The following KIAA1755 variants were observed in gnomAD, a reference collection of about 807,000 sequenced individuals.
KIAA1755 encodes the protein uncharacterized protein KIAA1755.
A neutral mutation model predicts 91.7 loss-of-function variants in KIAA1755; 68 were observed. That is an observed-to-expected ratio of 0.74 (90% CI 0.61 to 0.91). The LOEUF (loss-of-function observed/expected upper bound fraction) is 0.91, where lower values mean the gene tolerates loss of function less well. Among genes scored for constraint, KIAA1755 ranks in the 40% least tolerant of loss-of-function variants. The pLI is 0.00. For missense variants in KIAA1755, 1,535 were observed against 1,494.4 expected (o/e 1.03, Z -0.45); for synonymous variants, 610 against 604.6 (o/e 1.01, Z -0.13).
At chr20:38,257,082 T>G (rs2076351719) in intron 1 of KIAA1755, among the ~76,000 whole-genome samples, 1 of 152,058 alleles carries the variant, frequency 6.6e-6, no homozygotes, top group Non-Finnish European at 1.5e-5. Context: ...TCTTTGCTTT[T>G]CAGGACACAT....
At chr20:38,249,235 G>C (rs1268488771) in intron 1 of KIAA1755, among the ~76,000 whole-genome samples, 1 of 152,114 alleles carries the variant, frequency 6.6e-6, no homozygotes, top group Non-Finnish European at 1.5e-5. Context: ...TTCCACCCAG[G>C]TATGGTCTTA....
intron 2 of KIAA1755, among the ~76,000 whole-genome samples, chr20:38,244,345 T>C (rs1600639702): frequency 6.6e-6 from 1 of 152,252 alleles, no homozygotes; most frequent in Admixed American, 6.5e-5. Flanking sequence ...CTATGATCTA[T>C]GAGCCAGGCT....
In KIAA1755 at chr20:38,219,683, C is replaced by A; in HGVS notation, c.2503G>T (p.Gly835Trp). The A allele has an allele frequency of 1.2e-6, 2 of 1,614,164 alleles. No individual in the cohort carries two copies. The highest frequency in any genetic ancestry group is 1.7e-6 in the Non-Finnish European group (2 of 1,180,036). The change falls in exon 11 of 14, where the codon GGG becomes TGG. Residue 835 changes from glycine to tryptophan, a missense_variant. Coordinates refer to ENST00000279024, the MANE Select transcript of KIAA1755 (RefSeq NM_001029864.2). ...VLVTASNSLL[G>W]KLELRVRLGR... Reference sequence around the variant, plus strand: ...AGGCGGACACGGAGCTCCAGCTTCCCCAGGAGGCTGTTGGAAGCGGTGACC... The same window carrying A: ...AGGCGGACACGGAGCTCCAGCTTCCACAGGAGGCTGTTGGAAGCGGTGACC...
At chr20:38,251,584 G>A (rs1352213066) in intron 1 of KIAA1755, among the ~76,000 whole-genome samples, 5 of 93,038 alleles carry the variant, frequency 5.4e-5, no homozygotes, top group Middle Eastern at 6.6e-3. Context: ...TTTTTTTTTT[G>A]AGACAGAGTC....
intron 2 of KIAA1755, among the ~76,000 whole-genome samples, chr20:38,242,348 T>A (rs1238575207): frequency 6.6e-6 from 1 of 152,238 alleles, no homozygotes; most frequent in African/African-American, 2.4e-5. Flanking sequence ...ATTGCTTAAC[T>A]TCTTTGAGCC....
chr20:38,218,452 T>A, intron 11 of KIAA1755, 86 bp from the exon 12 acceptor site: 1 of 1,548,190 alleles, frequency 6.5e-7, no homozygotes, highest in East Asian at 2.3e-5. Context: ...CAGGCTGAGG[T>A]CTTCTGTCTT....
rs768693694 is a variant in KIAA1755 at position 38,241,801 on chromosome 20, C to T, written c.330G>A (p.Glu110=). Residue 110 remains glutamate (E), a synonymous_variant, in exon 3 of 14, where the codon GAG becomes GAA. Coordinates refer to ENST00000279024, the MANE Select transcript of KIAA1755 (RefSeq NM_001029864.2). ...LRQGDFYLQV[E]PQEEQSVCIM... ...TGCAGACAGACTGCTCCTCCTGGGG[C>T]TCCACTTGGAGGTAGAAGTCACCCT... 3.1e-6 allele frequency: 5 copies of T among 1,614,172 alleles called. No individual in the cohort carries two copies. Among genetic ancestry groups the T allele is most frequent in the Non-Finnish European group, 4.2e-6 (5 of 1,180,038 alleles).
Position 38,213,213 on chromosome 20 carries a change from C to T in KIAA1755, c.3432G>A (p.Lys1144=). ...AATGCTCGCGGGCAGGGTCAGGCAG[C>T]TTGTGGGAGCCTTTGCCGTCTTCAG... ...AEAEDGKGSH[K]LPDPAREHLL... The change falls in exon 14 of 14, where the codon AAG becomes AAA. Residue 1144 remains lysine (K), a synonymous_variant. Coordinates refer to ENST00000279024, the MANE Select transcript of KIAA1755 (RefSeq NM_001029864.2). 1 of 1,613,406 alleles carries T rather than the reference C, an allele frequency of 6.2e-7. No homozygotes were observed. The highest frequency in any genetic ancestry group is 2.2e-5 in the East Asian group (1 of 44,890).
chr20:38,229,281 C>T (rs567703163), intron 5 of KIAA1755, among the ~76,000 whole-genome samples: 2 of 152,276 alleles, frequency 1.3e-5, no homozygotes, highest in Admixed American at 1.3e-4. Context: ...GCCTTATGGG[C>T]TGTAGTGAGG....
chr20:38,247,594 A>G (rs751553009), intron 1 of KIAA1755, among the ~76,000 whole-genome samples: 2 of 152,256 alleles, frequency 1.3e-5, no homozygotes, highest in African/African-American at 4.8e-5. Flanking sequence ...AATGGGTAGA[A>G]TGACCTCCAA....
chr20:38,234,673 G>A (rs1241520321), intron 4 of KIAA1755, among the ~76,000 whole-genome samples: 1 of 152,168 alleles, frequency 6.6e-6, no homozygotes, highest in Admixed American at 6.5e-5. Context: ...GAGCAGCAAA[G>A]GGTTCACACA....
At chr20:38,226,928 G>T (rs146189598) in intron 7 of KIAA1755, among the ~76,000 whole-genome samples, 34 of 152,326 alleles carry the variant, frequency 2.2e-4, no homozygotes, top group African/African-American at 7.9e-4. Flanking sequence ...ACCAGGAGCT[G>T]CTAGGATTGC....
intron 4 of KIAA1755, among the ~76,000 whole-genome samples, chr20:38,238,118 C>T (rs117699686): frequency 6.6e-6 from 1 of 152,124 alleles, no homozygotes. Context: ...ACACAGGGAG[C>T]TAATGATAGA....
chr20:38,239,942 G>A (rs1021919778), intron 3 of KIAA1755, among the ~76,000 whole-genome samples: 4 of 152,018 alleles, frequency 2.6e-5, no homozygotes, highest in Non-Finnish European at 5.9e-5. Context: ...TGTTGCCCAG[G>A]CTGGAATGCA....
At chr20:38,250,612 A>T (rs184307220) in intron 1 of KIAA1755, among the ~76,000 whole-genome samples, 1 of 151,988 alleles carries the variant, frequency 6.6e-6, no homozygotes, top group East Asian at 1.9e-4. Context: ...ATGGAGACAG[A>T]GGGAGGAGGA....
In KIAA1755 at chr20:38,227,186, C is replaced by A. The variant is rs748684698; in HGVS notation, c.2020G>T (p.Ala674Ser). 6.2e-7 allele frequency: 1 copy of A among 1,613,914 alleles called. No individual in the cohort carries two copies. The highest frequency in any genetic ancestry group is 8.5e-7 in the Non-Finnish European group (1 of 1,179,908). Residue 674 changes from alanine (A) to serine (S), a missense_variant, in exon 7 of 14, where the codon GCT (alanine) becomes TCT (serine). Coordinates refer to ENST00000279024, the MANE Select transcript of KIAA1755 (RefSeq NM_001029864.2). ...TCAGGTAATGTCTGCAGCTGGAGAG[C>A]CGCCTCCTTCTCCCCCAGGAAGAGA... ...AILFLGEKEA[A>S]LQLQTLPDVQ...
intron 4 of KIAA1755, among the ~76,000 whole-genome samples, chr20:38,234,751 C>T (rs981868407): frequency 2.0e-5 from 3 of 152,216 alleles, no homozygotes; most frequent in Non-Finnish European, 4.4e-5. Context: ...CCCCACACTG[C>T]CTGGAACAGG....
chr20:38,251,992 T>C (rs1011357616), intron 1 of KIAA1755, among the ~76,000 whole-genome samples: 1 of 152,094 alleles, frequency 6.6e-6, no homozygotes, highest in South Asian at 2.1e-4. Flanking sequence ...ACAAAAGAGC[T>C]CCATACTCCA....
rs534815985 is a variant in KIAA1755 at position 38,217,665 on chromosome 20, T to C, written c.2680-191A>G. On this transcript the variant is annotated intron_variant, in intron 12 of 13. Transcript: ENST00000279024. ...TTAGCTCCTGGTGAGGGTTGAACAA[T>C]TAAGAGCAGTTATCACGCTTCTGGA... The C allele has an allele frequency of 7.4e-5, 44 of 594,184 alleles. No individual in the cohort carries two copies. The East Asian group carries it at 1.1e-3, about 15-fold the overall frequency. The allele number at this position is 594,184 out of a possible 1,614,324, so 36.8% of individuals were successfully genotyped here. A position where few individuals can be genotyped will look rare whatever the true frequency, so the allele number is the denominator to read the frequency against.
Sources: allele counts gnomAD v4.1 joint callset (sites outside exome capture counted in the v4.1 genomes callset), GRCh38; gene constraint gnomAD v4.1.1; transcripts MANE v1.5; gene names NCBI Gene and HGNC (gene_info 2026-07-23, HGNC 2026-07-21).